Variants in DCLK1 observed in about 807,000 individuals in gnomAD.
DCLK1 encodes the protein doublecortin like kinase 1, also known as serine/threonine-protein kinase DCLK1.
A neutral mutation model predicts 86.2 loss-of-function variants in DCLK1; 16 were observed. That is an observed-to-expected ratio of 0.19 (90% CI 0.13 to 0.28). The LOEUF is 0.28. DCLK1 is among the 10% of genes least tolerant of loss of function. The pLI, the probability that DCLK1 is intolerant of heterozygous loss-of-function variation, is 1.00. For synonymous variants in DCLK1, 369 were observed against 370.5 expected (o/e 1.00, Z 0.05); for missense variants, 590 against 940.2 (o/e 0.63, Z 4.87).
intron 3 of DCLK1, among the ~76,000 whole-genome samples, chr13:36,088,706 T>G (rs1263818004): frequency 6.6e-6 from 1 of 152,208 alleles, no homozygotes; most frequent in African/African-American, 2.4e-5. Flanking sequence ...TACCTTGAGA[T>G]TCCAGGGAGG....
chr13:36,117,644 A>C (rs1402038316), intron 2 of DCLK1, among the ~76,000 whole-genome samples: 1 of 152,196 alleles, frequency 6.6e-6, no homozygotes, highest in Non-Finnish European at 1.5e-5. Context: ...CAAAACAACA[A>C]ATAACAAAAC....
chr13:36,033,873 C>T (rs751063202), intron 3 of DCLK1, among the ~76,000 whole-genome samples: 11 of 152,262 alleles, frequency 7.2e-5, no homozygotes, highest in Non-Finnish European at 1.5e-4. Flanking sequence ...TGTGGTGAGC[C>T]GAAGTCGCAC....
At chr13:35,843,452 T>C (rs1869963329) in intron 6 of DCLK1, among the ~76,000 whole-genome samples, 1 of 152,186 alleles carries the variant, frequency 6.6e-6, no homozygotes, top group Admixed American at 6.5e-5. Context: ...ATGGAGAACA[T>C]ATCACACTTT....
intron 3 of DCLK1, among the ~76,000 whole-genome samples, chr13:36,001,689 C>A (rs1880729265): frequency 6.6e-6 from 1 of 152,136 alleles, no homozygotes; most frequent in East Asian, 1.9e-4. Flanking sequence ...CTGTGTGGTA[C>A]CACAAGATAA....
intron 4 of DCLK1, among the ~76,000 whole-genome samples, chr13:35,882,615 C>T (rs1309015918): frequency 6.6e-6 from 1 of 152,138 alleles, no homozygotes; most frequent in Admixed American, 6.6e-5. Context: ...TCTTTGGGTG[C>T]ATTATTTTAG....
At chr13:35,903,589 C>T (rs1809423341) in intron 4 of DCLK1, among the ~76,000 whole-genome samples, 1 of 151,968 alleles carries the variant, frequency 6.6e-6, no homozygotes, top group Non-Finnish European at 1.5e-5. Flanking sequence ...TTCTAAGGAA[C>T]AGGATATCAT....
intron 4 of DCLK1, among the ~76,000 whole-genome samples, chr13:35,932,447 C>G (rs1300139561): frequency 6.6e-6 from 1 of 152,098 alleles, no homozygotes; most frequent in Non-Finnish European, 1.5e-5. Flanking sequence ...AGTCCATGTT[C>G]ACACTGTTGA....
chr13:35,900,512 G>A (rs1289136849), intron 4 of DCLK1, among the ~76,000 whole-genome samples: 1 of 152,136 alleles, frequency 6.6e-6, no homozygotes, highest in Non-Finnish European at 1.5e-5. Context: ...AAAGTGTTGG[G>A]ATTTGTACAG....
intron 3 of DCLK1, among the ~76,000 whole-genome samples, chr13:36,047,491 G>A (rs1252589509): frequency 6.6e-6 from 1 of 152,128 alleles, no homozygotes; most frequent in African/African-American, 2.4e-5. Flanking sequence ...GTACACAATG[G>A]AATCCTATTT....
rs1471836272 is a variant in DCLK1, at chr13:35,871,349, A to G, written c.824-9T>C. ...CTTTACCACTCGACATTCTGGGGAA[A>G]GAACAAAAACCACACATCATTATGG... On this transcript the variant is annotated splice_polypyrimidine_tract_variant and intron_variant, in intron 4 of 16. Transcript: ENST00000360631. 6.2e-6 allele frequency: 10 copies of G among 1,610,750 alleles called. No homozygotes were observed. The highest frequency in any genetic ancestry group is 1.7e-5 in the Admixed American group (1 of 59,906).
At chr13:35,970,912 G>T in intron 3 of DCLK1, among the ~76,000 whole-genome samples, 1 of 152,120 alleles carries the variant, frequency 6.6e-6, no homozygotes, top group South Asian at 2.1e-4. Context: ...GTTAGCACAC[G>T]GGGCAGTGGC....
chr13:36,036,365 C>A (rs1699566904), intron 3 of DCLK1, among the ~76,000 whole-genome samples: 1 of 152,214 alleles, frequency 6.6e-6, no homozygotes, highest in Non-Finnish European at 1.5e-5. Context: ...CTGTCCAACA[C>A]CACCGGCTCG....
intron 3 of DCLK1, among the ~76,000 whole-genome samples, chr13:36,074,733 G>GA (rs1403446207): frequency 6.6e-6 from 1 of 152,164 alleles, no homozygotes; most frequent in Non-Finnish European, 1.5e-5. Flanking sequence ...CCTTCAGGCT[G>GA]AAAATCAAGA....
At chr13:36,100,043 C>T (rs1324362877) in intron 3 of DCLK1, among the ~76,000 whole-genome samples, 1 of 151,768 alleles carries the variant, frequency 6.6e-6, no homozygotes, top group African/African-American at 2.4e-5. Context: ...GCAATTTTTG[C>T]TATATAAGAA....
chr13:35,942,358 G>A (rs1877133177), intron 4 of DCLK1, among the ~76,000 whole-genome samples: 1 of 152,058 alleles, frequency 6.6e-6, no homozygotes. Context: ...AGTAGAGATG[G>A]GGTTTCACTG....
chr13:35,848,922 C>T (rs1870404416), intron 6 of DCLK1: 22 of 985,322 alleles, frequency 2.2e-5, no homozygotes, highest in Non-Finnish European at 2.5e-5. Context: ...TAAAATAAAG[C>T]AGCCTTTTGA....
intron 8 of DCLK1, among the ~76,000 whole-genome samples, chr13:35,835,279 T>G (rs956384686): frequency 6.6e-6 from 1 of 151,970 alleles, no homozygotes; most frequent in Non-Finnish European, 1.5e-5. Context: ...ACACAGTCCC[T>G]CAAGGAATGA....
chr13:36,101,951 C>T (rs1885233965), intron 3 of DCLK1, among the ~76,000 whole-genome samples: 1 of 152,096 alleles, frequency 6.6e-6, no homozygotes, highest in Non-Finnish European at 1.5e-5. Context: ...CCGTGTTGGC[C>T]AGGCTGGTCT....
chr13:35,977,560 C>T (rs1381031529), intron 3 of DCLK1, among the ~76,000 whole-genome samples: 1 of 152,108 alleles, frequency 6.6e-6, no homozygotes. Context: ...TAATACTGGT[C>T]ATCAGGTGTA....
Sources: gnomAD v4.1 joint callset for allele counts (sites outside exome capture counted in the v4.1 genomes callset) on GRCh38, gnomAD v4.1.1 for gene constraint, MANE v1.5 for transcripts, NCBI Gene and HGNC (gene_info 2026-07-23, HGNC 2026-07-21) for gene names.